JAM2: variants seen among roughly 807,000 people sequenced by gnomAD.
JAM2 encodes the protein junctional adhesion molecule B.
JAM2 carries 17 observed loss-of-function variants against 42.0 expected under a neutral mutation model. The ratio of observed to expected loss-of-function variants is 0.40; its 90% CI spans 0.28 to 0.61. The LOEUF is 0.61. Ranked by LOEUF, JAM2 falls within the 20% of genes least tolerant of loss-of-function variation. The pLI, the probability that JAM2 is intolerant of heterozygous loss-of-function variation, is 0.37. For missense variants in JAM2, 319 were observed against 358.3 expected (o/e 0.89, Z 0.89); for synonymous variants, 118 against 128.6 (o/e 0.92, Z 0.56).
At chr21:25,668,748 G>A (rs1250696682) in intron 1 of JAM2, among the ~76,000 whole-genome samples, 2 of 152,222 alleles carry the variant, frequency 1.3e-5, no homozygotes, top group Admixed American at 1.3e-4. Flanking sequence ...ATGTCAGAGT[G>A]TTTAATGCCA....
chr21:25,648,338 A>G (rs2032671795), intron 1 of JAM2, among the ~76,000 whole-genome samples: 1 of 152,234 alleles, frequency 6.6e-6, no homozygotes, highest in Non-Finnish European at 1.5e-5. Context: ...GCAGCCATCT[A>G]TGTCATAAAA....
chr21:25,681,968 C>T (rs565785555), intron 1 of JAM2, among the ~76,000 whole-genome samples: 51 of 152,018 alleles, frequency 3.4e-4, no homozygotes, highest in African/African-American at 8.7e-4. Flanking sequence ...GGTGACAGAG[C>T]GAGACTCCGT....
chr21:25,696,390 CAG>C (rs2034035118), intron 4 of JAM2, among the ~76,000 whole-genome samples: 1 of 152,112 alleles, frequency 6.6e-6, no homozygotes, highest in East Asian at 1.9e-4. Flanking sequence ...GAGACGGAGA[CAG>C]AGAGGGAGGG....
At chr21:25,711,490 C>T (rs568203741) in intron 8 of JAM2, 1 of 430,754 alleles carries the variant, frequency 2.3e-6, no homozygotes, top group Admixed American at 2.8e-5. Context: ...AGTTTGTCAT[C>T]TCCTAATTCC....
chr21:25,652,309 T>A (rs2032803843), intron 1 of JAM2, among the ~76,000 whole-genome samples: 1 of 152,176 alleles, frequency 6.6e-6, no homozygotes, highest in Non-Finnish European at 1.5e-5. Flanking sequence ...GGAGGTTTGC[T>A]TGGTCCTGGG....
chr21:25,704,600 A>C (rs2034233948), intron 6 of JAM2, among the ~76,000 whole-genome samples: 1 of 152,196 alleles, frequency 6.6e-6, no homozygotes. Context: ...GGCTAATTAA[A>C]ACTTGCTTTG....
At chr21:25,706,460 G>T (rs1470875462) in intron 7 of JAM2, among the ~76,000 whole-genome samples, 2 of 152,184 alleles carry the variant, frequency 1.3e-5, no homozygotes, top group African/African-American at 4.8e-5. Context: ...GGGATTACAG[G>T]TGTGAGCTAT....
chr21:25,677,155 T>G (rs2033517340), intron 1 of JAM2, among the ~76,000 whole-genome samples: 1 of 151,704 alleles, frequency 6.6e-6, no homozygotes, highest in Non-Finnish European at 1.5e-5. Flanking sequence ...AATATACCCA[T>G]GTAACAAAAT....
chr21:25,660,232 T>C (rs1355753264), intron 1 of JAM2, among the ~76,000 whole-genome samples: 11 of 152,196 alleles, frequency 7.2e-5, no homozygotes, highest in African/African-American at 2.7e-4. Context: ...TCTTATAGTT[T>C]TATTGTGAGA....
intron 1 of JAM2, among the ~76,000 whole-genome samples, chr21:25,649,494 A>C (rs530055534): frequency 6.6e-6 from 1 of 152,180 alleles, no homozygotes; most frequent in Non-Finnish European, 1.5e-5. Context: ...TCCATGATTC[A>C]ATTACCTGCC....
intron 1 of JAM2, among the ~76,000 whole-genome samples, chr21:25,663,008 C>T (rs1287300493): frequency 2.0e-5 from 3 of 152,142 alleles, no homozygotes; most frequent in Admixed American, 6.5e-5. Context: ...TATGGGAGGA[C>T]AGAAGGGGCC....
Position 25,715,985 on chromosome 21 carries a change from C to CTTTCTT in JAM2, c.*1316_*1317insCTTTTT, listed in dbSNP as rs2034472419. ...ATGAACATGATGGTTAATCTTCTTT[C>CTTTCTT]TTTTTTTTTTTTTTTTTTTGAGACG... On this transcript the variant is annotated 3_prime_UTR_variant, in exon 10 of 10. Transcript: ENST00000480456. The CTTTCTT allele has an allele frequency of 8.5e-6, 1 of 117,256 alleles. No homozygotes were observed. Among genetic ancestry groups the CTTTCTT allele is most frequent in the African/African-American group, 3.3e-5 (1 of 30,410 alleles). The allele number at this position is 117,256 out of a possible 1,614,324, so 7.3% of individuals were successfully genotyped here. A position where few individuals can be genotyped will look rare whatever the true frequency, so the allele number is the denominator to read the frequency against.
Position 25,674,940 on chromosome 21 carries a change from T to C in JAM2, c.68-8943T>C, listed in dbSNP as rs375841973. On this transcript the variant is annotated intron_variant, in intron 1 of 9. Coordinates refer to ENST00000480456, the MANE Select transcript of JAM2 (RefSeq NM_021219.4). ...AATGCCAACCCTGTGCAACTTTTTATATTTGTTAGTATATGTGCTAATCTG... is the reference window on the plus strand; with the variant it reads ...AATGCCAACCCTGTGCAACTTTTTACATTTGTTAGTATATGTGCTAATCTG... Among the ~76,000 whole-genome samples, 86 of 152,222 alleles carry C rather than the reference T, an allele frequency of 5.6e-4. No homozygotes were observed. In the South Asian group the frequency reaches 0.017, roughly 31 times the overall value.
At position 25,715,660 on chromosome 21, in the gene JAM2, A is replaced by G. The variant is rs962977967; in HGVS notation, c.*988A>G. On this transcript the variant is annotated 3_prime_UTR_variant, in exon 10 of 10. Coordinates refer to ENST00000480456, the MANE Select transcript of JAM2 (RefSeq NM_021219.4). ...GGAAAATGAGACGAAAAAGCTCAGT[A>G]TGACTCCCTGCATCTGGTACCCCTC... is the stretch of plus-strand genomic sequence containing the variant. The G allele has an allele frequency of 6.6e-6, 1 of 152,334 alleles. No individual in the cohort carries two copies. Among genetic ancestry groups the G allele is most frequent in the Non-Finnish European group, 1.5e-5 (1 of 68,034 alleles). 9.4% of individuals were successfully genotyped at this position (152,334 alleles called of 1,614,324 possible). A position where few individuals can be genotyped will look rare whatever the true frequency, so the allele number is the denominator to read the frequency against.
chr21:25,652,406 A>AT (rs775854857), intron 1 of JAM2, among the ~76,000 whole-genome samples: 1 of 152,190 alleles, frequency 6.6e-6, no homozygotes, highest in Non-Finnish European at 1.5e-5. Context: ...AGAAAAAAAA[A>AT]GAAATAAGGA....
At chr21:25,687,535 T>C (rs891742395) in intron 2 of JAM2, among the ~76,000 whole-genome samples, 1 of 152,232 alleles carries the variant, frequency 6.6e-6, no homozygotes, top group African/African-American at 2.4e-5. Context: ...GTTCATTTAC[T>C]TCCTTATCCT....
chr21:25,655,647 A>ATTTTTT (rs536746237), intron 1 of JAM2, among the ~76,000 whole-genome samples: 1 of 90,784 alleles, frequency 1.1e-5, no homozygotes, highest in Non-Finnish European at 1.9e-5. Context: ...CGCCCAGCTA[A>ATTTTTT]TTTTTTTTTT....
chr21:25,664,397 A>G (rs899051571), intron 1 of JAM2, among the ~76,000 whole-genome samples: 4 of 152,044 alleles, frequency 2.6e-5, no homozygotes, highest in Non-Finnish European at 4.4e-5. Context: ...CATCATGCCC[A>G]GCTAATTTTT....
intron 1 of JAM2, among the ~76,000 whole-genome samples, chr21:25,647,923 C>T (rs746607352): frequency 2.6e-5 from 4 of 152,158 alleles, no homozygotes; most frequent in Non-Finnish European, 4.4e-5. Flanking sequence ...AAAAAATGCA[C>T]TAGAGGGCTG....
Sources: allele counts gnomAD v4.1 joint callset (sites outside exome capture counted in the v4.1 genomes callset), GRCh38; gene constraint gnomAD v4.1.1; transcripts MANE v1.5; gene names NCBI Gene and HGNC (gene_info 2026-07-23, HGNC 2026-07-21).